Variants in SEC23A observed in about 807,000 individuals in gnomAD.
The protein encoded by SEC23A is protein transport protein Sec23A.
In SEC23A, 56 loss-of-function variants were observed where a neutral mutation model predicts 103.7. The ratio of observed to expected loss-of-function variants is 0.54; its 90% CI spans 0.44 to 0.67. The LOEUF (loss-of-function observed/expected upper bound fraction) is 0.67, where lower values mean the gene tolerates loss of function less well. Among genes scored for constraint, SEC23A ranks in the 30% least tolerant of loss-of-function variants. The pLI, the probability that SEC23A is intolerant of heterozygous loss-of-function variation, is 0.00. For missense variants in SEC23A, 784 were observed against 936.4 expected (o/e 0.84, Z 2.12); for synonymous variants, 281 against 293.0 (o/e 0.96, Z 0.42).
intron 15 of SEC23A, among the ~76,000 whole-genome samples, chr14:39,045,783 A>ACC (rs1885809434): frequency 6.6e-6 from 1 of 152,202 alleles, no homozygotes; most frequent in Non-Finnish European, 1.5e-5. Flanking sequence ...TTTAATCTTC[A>ACC]CACGTCTGAC....
chr14:39,093,067 CTG>C (rs1887716637), intron 3 of SEC23A, 118 bp downstream of exon 3: 4 of 710,006 alleles, frequency 5.6e-6, no homozygotes, highest in African/African-American at 1.8e-5. Flanking sequence ...CGGGGTTTCA[CTG>C]TGTTAGCCAG....
intron 9 of SEC23A, among the ~76,000 whole-genome samples, chr14:39,069,101 C>T (rs1886762755): frequency 6.6e-6 from 1 of 152,072 alleles, no homozygotes; most frequent in Admixed American, 6.6e-5. Context: ...TTATACCACC[C>T]CATTTCTCTG....
intron 18 of SEC23A, 142 bp from the exon 19 acceptor site, chr14:39,039,238 A>T (rs1885558621): frequency 1.4e-6 from 1 of 711,360 alleles, no homozygotes; most frequent in Non-Finnish European, 2.4e-6. Context: ...TAAAAGATTA[A>T]ACTTTGAAAT....
intron 7 of SEC23A, among the ~76,000 whole-genome samples, chr14:39,085,190 A>G (rs1887389051): frequency 6.6e-6 from 1 of 152,332 alleles, no homozygotes; most frequent in African/African-American, 2.4e-5. Context: ...TTCCAGACAA[A>G]TGAATATGTG....
At chr14:39,086,871 T>A in intron 6 of SEC23A, 58 bp downstream of exon 6, 1 of 963,484 alleles carries the variant, frequency 1.0e-6, no homozygotes, top group South Asian at 1.3e-5. Context: ...TGTTCAAGGG[T>A]ATGGAATGTT....
intron 12 of SEC23A, among the ~76,000 whole-genome samples, chr14:39,062,567 T>C (rs781115650): frequency 2.2e-4 from 34 of 152,128 alleles, no homozygotes; most frequent in Non-Finnish European, 3.8e-4. Context: ...AAGAAACTAA[T>C]AGCAATATAT....
intron 13 of SEC23A, among the ~76,000 whole-genome samples, chr14:39,059,278 T>TTAAAAAA (rs1245693608): frequency 2.8e-5 from 2 of 71,824 alleles, no homozygotes; most frequent in African/African-American, 1.0e-4. Context: ...AGTCCTAGTT[T>TTAAAAAA]AAAAAAAAAA....
chr14:39,069,419 T>G (rs1228219547), intron 9 of SEC23A, among the ~76,000 whole-genome samples: 5 of 152,138 alleles, frequency 3.3e-5, no homozygotes, highest in Non-Finnish European at 1.5e-5. Context: ...CCAGCTACTT[T>G]GTTCTCCTTG....
At chr14:39,072,607 G>A (rs1029190672) in intron 9 of SEC23A, among the ~76,000 whole-genome samples, 4 of 151,914 alleles carry the variant, frequency 2.6e-5, no homozygotes, top group Non-Finnish European at 2.9e-5. Context: ...CCAGGAGTTC[G>A]AGACCAGCCT....
intron 5 of SEC23A, chr14:39,090,805 G>A (rs756498526): frequency 5.5e-5 from 10 of 182,510 alleles, no homozygotes; most frequent in Non-Finnish European, 9.1e-5. Context: ...ACCTCATTCT[G>A]CACGACAATG....
At chr14:39,059,278 TAAAAAAAAAAAAAAAA>T (rs750853379) in intron 13 of SEC23A, among the ~76,000 whole-genome samples, 45 of 71,836 alleles carry the variant, frequency 6.3e-4, no homozygotes, top group African/African-American at 1.1e-3. Context: ...AGTCCTAGTT[TAAAAAAAAAAAAAAAA>T]AAAAAAAAAA....
intron 7 of SEC23A, among the ~76,000 whole-genome samples, chr14:39,084,497 T>C (rs1555330040): frequency 6.6e-6 from 1 of 152,162 alleles, no homozygotes; most frequent in Non-Finnish European, 1.5e-5. Context: ...GGAAAACACT[T>C]CACGTAGATA....
intron 13 of SEC23A, 107 bp from the exon 14 acceptor site, chr14:39,055,403 T>A: frequency 2.6e-6 from 3 of 1,160,924 alleles, no homozygotes; most frequent in Non-Finnish European, 3.6e-6. Context: ...ATACAGAAAC[T>A]ACTAGGATTT....
chr14:39,057,058 A>C (rs548832039), intron 13 of SEC23A, among the ~76,000 whole-genome samples: 1 of 152,232 alleles, frequency 6.6e-6, no homozygotes. Context: ...TCACACCTGT[A>C]ATCACAACAC....
intron 15 of SEC23A, among the ~76,000 whole-genome samples, chr14:39,045,540 G>GA (rs1038127463): frequency 1.3e-5 from 2 of 150,520 alleles, no homozygotes; most frequent in African/African-American, 2.4e-5. Flanking sequence ...ATTTAAGAAA[G>GA]AAAAAAAAAA....
chr14:39,083,506 C>T (rs894319623), intron 7 of SEC23A, among the ~76,000 whole-genome samples: 10 of 151,308 alleles, frequency 6.6e-5, no homozygotes, highest in Non-Finnish European at 1.2e-4. Flanking sequence ...CCACCTTGGA[C>T]GCATGTCATC....
chr14:39,036,341 A>T (rs112289585), intron 19 of SEC23A, among the ~76,000 whole-genome samples: 1 of 147,474 alleles, frequency 6.8e-6, no homozygotes, highest in Non-Finnish European at 1.5e-5. Context: ...AAAAAAAAAA[A>T]AAAAGAACAT....
intron 2 of SEC23A, 62 bp from the exon 3 acceptor site, chr14:39,093,306 C>T (rs761110433): frequency 3.9e-4 from 512 of 1,320,900 alleles, no homozygotes; most frequent in Admixed American, 1.3e-3. Context: ...TACAAAAATC[C>T]TAATTTCAAT....
chr14:39,086,021 A>G, intron 6 of SEC23A, 115 bp from the exon 7 acceptor site: 1 of 915,634 alleles, frequency 1.1e-6, no homozygotes, highest in Non-Finnish European at 1.8e-6. Context: ...ACAGCAGACC[A>G]ATGGTTCTCA....
Sources: gnomAD v4.1 joint callset for allele counts (sites outside exome capture counted in the v4.1 genomes callset) on GRCh38, gnomAD v4.1.1 for gene constraint, MANE v1.5 for transcripts, NCBI Gene and HGNC (gene_info 2026-07-23, HGNC 2026-07-21) for gene names.